PLEKHM3: variants seen among roughly 807,000 people sequenced by gnomAD.
The protein encoded by PLEKHM3 is pleckstrin homology domain-containing family M member 3.
Under a neutral mutation model 81.8 loss-of-function variants are expected in PLEKHM3, and 45 were observed. The observed-to-expected ratio is 0.55, with a 90% CI of 0.43 to 0.71. The LOEUF (loss-of-function observed/expected upper bound fraction) is 0.71. PLEKHM3 is among the 30% of genes least tolerant of loss of function. The pLI is 0.00. For synonymous variants in PLEKHM3, 352 were observed against 356.4 expected (o/e 0.99, Z 0.14); for missense variants, 788 against 924.3 (o/e 0.85, Z 1.91).
intron 6 of PLEKHM3, among the ~76,000 whole-genome samples, chr2:207,905,986 G>A (rs988218758): frequency 6.6e-6 from 1 of 152,178 alleles, no homozygotes; most frequent in Admixed American, 6.5e-5. Flanking sequence ...GCCTTAAAAA[G>A]CAGGCTGTAT....
At chr2:207,945,373 G>A (rs1468937255) in intron 4 of PLEKHM3, among the ~76,000 whole-genome samples, 5 of 152,126 alleles carry the variant, frequency 3.3e-5, no homozygotes, top group African/African-American at 1.2e-4. Flanking sequence ...AGCCTCCTTG[G>A]CTGTTAGCAG....
intron 6 of PLEKHM3, among the ~76,000 whole-genome samples, chr2:207,896,479 T>C (rs1688226733): frequency 6.6e-6 from 1 of 152,184 alleles, no homozygotes; most frequent in Non-Finnish European, 1.5e-5. Context: ...TACAAAGTGA[T>C]GAGAAATGAT....
chr2:208,003,746 G>A (rs1215313728), intron 1 of PLEKHM3, among the ~76,000 whole-genome samples: 1 of 152,086 alleles, frequency 6.6e-6, no homozygotes, highest in Non-Finnish European at 1.5e-5. Context: ...CTATGTAACA[G>A]GGTTTTAGTG....
At chr2:207,874,950 A>G (rs2092553225) in intron 6 of PLEKHM3, among the ~76,000 whole-genome samples, 1 of 152,104 alleles carries the variant, frequency 6.6e-6, no homozygotes, top group African/African-American at 2.4e-5. Flanking sequence ...ACCATAAAAT[A>G]TTTTTAAAAC....
At chr2:207,994,073 T>A (rs1370567845) in intron 2 of PLEKHM3, among the ~76,000 whole-genome samples, 1 of 152,198 alleles carries the variant, frequency 6.6e-6, no homozygotes, top group Non-Finnish European at 1.5e-5. Flanking sequence ...TTAACCTGCC[T>A]CAGTAGGTTC....
chr2:208,022,555 T>A (rs990805834), intron 1 of PLEKHM3, among the ~76,000 whole-genome samples: 1 of 152,226 alleles, frequency 6.6e-6, no homozygotes, highest in Non-Finnish European at 1.5e-5. Flanking sequence ...TTTCTTTCTA[T>A]GCTGGTTGTT....
At chr2:207,878,522 C>T (rs2105844645) in intron 6 of PLEKHM3, among the ~76,000 whole-genome samples, 1 of 152,310 alleles carries the variant, frequency 6.6e-6, no homozygotes, top group Admixed American at 6.5e-5. Context: ...GCAGCAGAAT[C>T]GCTTGAACCC....
rs556299623 is a variant in PLEKHM3, at chr2:207,867,227, C to T, written c.1951-5965G>A. On this transcript the variant is annotated intron_variant, in intron 6 of 7. Coordinates refer to ENST00000427836, the MANE Select transcript of PLEKHM3 (RefSeq NM_001080475.3). ...AAGGAGGAGGATAAAGAGTGCATGGCCTCTGTGGCAGCTCAGCTATTCAGG... is the reference window on the plus strand; with the variant it reads ...AAGGAGGAGGATAAAGAGTGCATGGTCTCTGTGGCAGCTCAGCTATTCAGG... 9.2e-5 allele frequency among the ~76,000 whole-genome samples: 14 copies of T among 152,274 alleles called. No homozygotes were observed. In the South Asian group the frequency reaches 2.7e-3, roughly 29 times the overall value.
At chr2:207,911,696 T>C (rs1688813320) in intron 5 of PLEKHM3, among the ~76,000 whole-genome samples, 1 of 152,144 alleles carries the variant, frequency 6.6e-6, no homozygotes. Flanking sequence ...TGAAATCCCT[T>C]AAATAAAGTA....
chr2:207,880,806 CA>C (rs1249539669), intron 6 of PLEKHM3, among the ~76,000 whole-genome samples: 80 of 55,330 alleles, frequency 1.4e-3, no homozygotes, highest in African/African-American at 4.7e-3. Flanking sequence ...AACAAACAAA[CA>C]AAAAAAAACA....
chr2:207,863,503 G>A (rs2092479018), intron 6 of PLEKHM3, among the ~76,000 whole-genome samples: 1 of 152,192 alleles, frequency 6.6e-6, no homozygotes, highest in Admixed American at 6.5e-5. Flanking sequence ...GCCCACTCTA[G>A]GCTCACAGAA....
intron 5 of PLEKHM3, among the ~76,000 whole-genome samples, chr2:207,910,817 G>A (rs1260370665): frequency 6.6e-6 from 1 of 152,162 alleles, no homozygotes; most frequent in Non-Finnish European, 1.5e-5. Flanking sequence ...GACAAGGCAT[G>A]TGAGAGTCTG....
At chr2:207,974,935 G>A (rs555570963) in intron 3 of PLEKHM3, among the ~76,000 whole-genome samples, 1 of 151,678 alleles carries the variant, frequency 6.6e-6, no homozygotes, top group East Asian at 1.9e-4. Context: ...AGGTTCAAGC[G>A]ATTCTCCTGC....
chr2:207,878,561 T>C lies in PLEKHM3; in HGVS notation c.1951-17299A>G, dbSNP rs2092570882. Among the ~76,000 whole-genome samples, 3 of 152,202 alleles carry C rather than the reference T, an allele frequency of 2.0e-5. No individual in the cohort carries two copies. The South Asian group carries it at 6.2e-4, about 31-fold the overall frequency. On this transcript the variant is annotated intron_variant, in intron 6 of 7. Transcript: ENST00000427836. ...AGGTGGAGGTTGCGGTGAGCTGAGA[T>C]CGCGCCACTGCACTCTAGCCTGGGC...
At chr2:207,852,245 G>C (rs2092416900) in intron 7 of PLEKHM3, among the ~76,000 whole-genome samples, 1 of 152,154 alleles carries the variant, frequency 6.6e-6, no homozygotes. Context: ...TTTGGATTCA[G>C]GTTTTGGCCT....
chr2:207,962,722 A>C (rs1690779151), intron 3 of PLEKHM3, among the ~76,000 whole-genome samples: 2 of 152,248 alleles, frequency 1.3e-5, no homozygotes, highest in South Asian at 4.1e-4. Flanking sequence ...TGCAGTATCT[A>C]ATTGGAGTTG....
At chr2:207,861,910 G>T (rs1167607250) in intron 6 of PLEKHM3, among the ~76,000 whole-genome samples, 1 of 152,086 alleles carries the variant, frequency 6.6e-6, no homozygotes, top group Non-Finnish European at 1.5e-5. Flanking sequence ...GGAAAAATCA[G>T]ATGATCTAGC....
rs190741586 is a variant in PLEKHM3 at position 208,008,592 on chromosome 2, C to T, written c.-318-6635G>A. 5.3e-5 allele frequency among the ~76,000 whole-genome samples: 8 copies of T among 151,802 alleles called. 1 individual carries two copies. Among genetic ancestry groups the T allele is most frequent in the African/African-American group, 1.7e-4 (7 of 41,342 alleles). On this transcript the variant is annotated intron_variant, in intron 1 of 7. Coordinates refer to ENST00000427836, the MANE Select transcript of PLEKHM3 (RefSeq NM_001080475.3). ...TACCTTACAACCTGACACAAGACCC[C>T]ACTCAATTGAACTTCTCTTCTATAG...
At position 207,977,076 on chromosome 2, in the gene PLEKHM3, T is replaced by G. The variant is rs754937776; in HGVS notation, c.1121A>C (p.Gln374Pro). The G allele has an allele frequency of 6.2e-7, 1 of 1,614,242 alleles. No homozygotes were observed. Among genetic ancestry groups the G allele is most frequent in the Admixed American group, 1.7e-5 (1 of 60,030 alleles). The change falls in exon 3 of 8, where the codon CAA becomes CCA. Residue 374 changes from glutamine to proline, a missense_variant. Transcript: ENST00000427836. ...AAATGTAAATGCCTTCCAGTTGTTT[T>G]GGACAGTCAGCCTGTAGAGAGTCCC... ...KSGTLYRLTV[Q>P]NNWKAFTFVL...
Sources: gnomAD v4.1 joint callset for allele counts (sites outside exome capture counted in the v4.1 genomes callset) on GRCh38, gnomAD v4.1.1 for gene constraint, MANE v1.5 for transcripts, NCBI Gene and HGNC (gene_info 2026-07-23, HGNC 2026-07-21) for gene names.